ANKRD45: variants seen among roughly 807,000 people sequenced by gnomAD.
ANKRD45 encodes the protein ankyrin repeat domain-containing protein 45.
In ANKRD45, 21 loss-of-function variants were observed where a neutral mutation model predicts 28.1. The observed-to-expected ratio is 0.75, with a 90% CI of 0.53 to 1.08. ANKRD45 has a LOEUF of 1.08. Ranked by LOEUF, ANKRD45 falls within the 50% of genes least tolerant of loss-of-function variation. The pLI is 0.00. For missense variants in ANKRD45, 261 were observed against 308.7 expected (o/e 0.85, Z 1.16); for synonymous variants, 86 against 103.9 (o/e 0.83, Z 1.05).
the ANKRD45 span, among the ~76,000 whole-genome samples, chr1:173,685,219 C>T: frequency 3.0e-4 from 45 of 152,312 alleles, no homozygotes; most frequent in South Asian, 8.7e-3. Context: ...GATTGATAAG[C>T]TCTTGAAAAT....
At chr1:173,690,325 G>T in the ANKRD45 span, among the ~76,000 whole-genome samples, 1 of 151,972 alleles carries the variant, frequency 6.6e-6, no homozygotes, top group East Asian at 1.9e-4. Context: ...AGGCAGCAGT[G>T]GCTGTTTGAG....
chr1:173,713,763 A>G, the ANKRD45 span, among the ~76,000 whole-genome samples: 3 of 152,020 alleles, frequency 2.0e-5, no homozygotes, highest in Non-Finnish European at 4.4e-5. Flanking sequence ...GCAAGCACCC[A>G]TTGCCTAGCC....
chr1:173,646,123 C>G (rs985462845), intron 3 of ANKRD45, among the ~76,000 whole-genome samples: 1 of 152,210 alleles, frequency 6.6e-6, no homozygotes, highest in African/African-American at 2.4e-5. Flanking sequence ...AGCTTAGTTA[C>G]AAAGGTACAT....
intron 3 of ANKRD45, among the ~76,000 whole-genome samples, chr1:173,629,548 T>C (rs1050013892): frequency 4.0e-5 from 6 of 151,782 alleles, no homozygotes; most frequent in African/African-American, 1.5e-4. Flanking sequence ...AACAGTAGAA[T>C]TGATCAAGCA....
chr1:173,700,766 G>A, the ANKRD45 span, among the ~76,000 whole-genome samples: 2 of 152,144 alleles, frequency 1.3e-5, no homozygotes, highest in Non-Finnish European at 2.9e-5. Context: ...GCATGGGTAA[G>A]GACTTCATGA....
rs1422516730 is a variant in ANKRD45, at chr1:173,640,339, G to A, written c.496+6507C>T. ...GGGACCACCTTCTCATCAAAGGGTG[G>A]AAGGAAGGGAAACTCGAGCCCACCT... On this transcript the variant is annotated intron_variant, in intron 3 of 5. Coordinates refer to ENST00000333279, the MANE Select transcript of ANKRD45 (RefSeq NM_198493.3). 3.3e-5 allele frequency among the ~76,000 whole-genome samples: 5 copies of A among 151,748 alleles called. No homozygotes were observed. In the East Asian group the frequency reaches 7.7e-4, roughly 23 times the overall value.
chr1:173,688,375 CCT>C, the ANKRD45 span, among the ~76,000 whole-genome samples: 13 of 138,166 alleles, frequency 9.4e-5, no homozygotes, highest in Admixed American at 2.1e-4. Flanking sequence ...TCTGCCTCTT[CCT>C]CTCTCTCTCT....
chr1:173,619,179 A>T (rs1459256214), intron 5 of ANKRD45, among the ~76,000 whole-genome samples: 1 of 152,236 alleles, frequency 6.6e-6, no homozygotes, highest in Non-Finnish European at 1.5e-5. Context: ...GCCACTACAA[A>T]AATAAACTGA....
At chr1:173,691,431 C>A in the ANKRD45 span, among the ~76,000 whole-genome samples, 20 of 152,178 alleles carry the variant, frequency 1.3e-4, no homozygotes, top group African/African-American at 4.6e-4. Context: ...AGTTTCAGTG[C>A]TGCAAAAGAA....
intron 3 of ANKRD45, among the ~76,000 whole-genome samples, chr1:173,645,742 C>T (rs559906154): frequency 6.6e-6 from 1 of 152,278 alleles, no homozygotes; most frequent in South Asian, 2.1e-4. Context: ...CTCCAACATG[C>T]CACTTTCACT....
chr1:173,698,053 G>C, the ANKRD45 span, among the ~76,000 whole-genome samples: 4 of 151,066 alleles, frequency 2.6e-5, no homozygotes, highest in Non-Finnish European at 1.5e-5. Flanking sequence ...AACCAATAAA[G>C]ATCAAAAGAG....
At chr1:173,614,473 G>A (rs1472367756) in intron 5 of ANKRD45, among the ~76,000 whole-genome samples, 1 of 152,044 alleles carries the variant, frequency 6.6e-6, no homozygotes, top group Non-Finnish European at 1.5e-5. Flanking sequence ...AATAGTTATA[G>A]CTTCAGTAAA....
chr1:173,690,072 C>T, the ANKRD45 span, among the ~76,000 whole-genome samples: 3,598 of 112,492 alleles, frequency 0.032, 488 homozygotes, highest in African/African-American at 0.11. Flanking sequence ...GCCCCCCCCC[C>T]CCCCGACCTC....
intron 2 of ANKRD45, chr1:173,657,705 CTCT>C (rs937244456): frequency 1.5e-5 from 2 of 135,214 alleles, no homozygotes; most frequent in African/African-American, 5.2e-5. Flanking sequence ...TCAAGCAATC[CTCT>C]TGCCTCGGCC....
chr1:173,693,028 T>C, the ANKRD45 span, among the ~76,000 whole-genome samples: 1 of 151,746 alleles, frequency 6.6e-6, no homozygotes. Flanking sequence ...CTCACACCTG[T>C]AATCCCAGTA....
In ANKRD45 at chr1:173,630,132, A is replaced by G. The variant is rs546479958; in HGVS notation, c.497-2973T>C. Among the ~76,000 whole-genome samples the G allele has an allele frequency of 3.3e-5, 5 of 152,356 alleles. 1 individual carries two copies. The South Asian group carries it at 1.0e-3, about 32-fold the overall frequency. ...ACAAAAGCTGAGGGATTTCATCAAC[A>G]CTAGACTTGTCCTAGAAGAAATGCT... On this transcript the variant is annotated intron_variant, in intron 3 of 5. Coordinates refer to ENST00000333279, the MANE Select transcript of ANKRD45 (RefSeq NM_198493.3).
At chr1:173,668,910 G>C (rs549386764) in intron 1 of ANKRD45, among the ~76,000 whole-genome samples, 1 of 152,320 alleles carries the variant, frequency 6.6e-6, no homozygotes, top group African/African-American at 2.4e-5. Flanking sequence ...CTTTAGTCTT[G>C]ATTCTGTTAC....
chr1:173,666,432 AC>A (rs1468969956), intron 1 of ANKRD45, among the ~76,000 whole-genome samples: 1 of 152,200 alleles, frequency 6.6e-6, no homozygotes, highest in Non-Finnish European at 1.5e-5. Context: ...CCCTGTAGAT[AC>A]CAAAATCCAT....
the ANKRD45 span, among the ~76,000 whole-genome samples, chr1:173,675,177 A>C: frequency 6.6e-6 from 1 of 152,188 alleles, no homozygotes; most frequent in Non-Finnish European, 1.5e-5. Context: ...TTTTCCTCTA[A>C]AGTTTAAGTT....
Sources: gnomAD v4.1 joint callset for allele counts (sites outside exome capture counted in the v4.1 genomes callset) on GRCh38, gnomAD v4.1.1 for gene constraint, MANE v1.5 for transcripts, NCBI Gene and HGNC (gene_info 2026-07-23, HGNC 2026-07-21) for gene names.